Variants in PTPRB observed in about 807,000 individuals in gnomAD.
PTPRB encodes receptor-type tyrosine-protein phosphatase beta.
A neutral mutation model predicts 238.1 loss-of-function variants in PTPRB; 97 were observed. The ratio of observed to expected loss-of-function variants is 0.41; its 90% confidence interval spans 0.35 to 0.48. The LOEUF (loss-of-function observed/expected upper bound fraction) is 0.48, where lower values mean the gene tolerates loss of function less well. Among genes scored for constraint, PTPRB ranks in the 20% least tolerant of loss-of-function variants. PTPRB has a pLI of 0.30. For synonymous variants in PTPRB, 970 were observed against 995.4 expected (o/e 0.97, Z 0.48); for missense variants, 2,292 against 2,681.9 (o/e 0.85, Z 3.21).
chr12:70,585,365 C>T (rs1881795479), intron 9 of PTPRB: 1 of 152,068 alleles, frequency 6.6e-6, no homozygotes, highest in Admixed American at 6.5e-5. Context: ...GCATCTGCAC[C>T]CACATATTCT....
At chr12:70,573,505 CTT>C (rs937307862) in intron 11 of PTPRB, among the ~76,000 whole-genome samples, 5 of 90,818 alleles carry the variant, frequency 5.5e-5, no homozygotes, top group Non-Finnish European at 9.7e-5. Flanking sequence ...CTTTTCTTTT[CTT>C]TTTTTTTTTT....
intron 15 of PTPRB, among the ~76,000 whole-genome samples, chr12:70,564,458 G>A (rs1878959721): frequency 6.6e-6 from 1 of 150,890 alleles, no homozygotes; most frequent in Admixed American, 6.6e-5. Context: ...GGTGGAGGTT[G>A]TGGTGAGCTA....
chr12:70,576,503 G>A lies in PTPRB; in HGVS notation c.2721C>T (p.Val907=), dbSNP rs574392620. ...SHDGKVVQSL[V]IAKSVRECSF... ...AACATTCTCTGACAGACTTGGCAATGACAAGGGACTGAACCACCTTGCCGT... is the reference window on the plus strand; with the variant it reads ...AACATTCTCTGACAGACTTGGCAATAACAAGGGACTGAACCACCTTGCCGT... Residue 907 remains valine, a synonymous_variant, in exon 11 of 34, where the codon GTC becomes GTT. Transcript: ENST00000334414. 221 of 1,577,786 alleles carry A rather than the reference G, an allele frequency of 1.4e-4. 1 individual carries two copies. The Admixed American group carries it at 3.9e-3, about 28-fold the overall frequency.
At chr12:70,602,691 A>G (rs1310729153) in intron 4 of PTPRB, among the ~76,000 whole-genome samples, 1 of 152,200 alleles carries the variant, frequency 6.6e-6, no homozygotes, top group Non-Finnish European at 1.5e-5. Context: ...TAGATGAAAC[A>G]AGGTTGGCCA....
chr12:70,535,906 T>TAACA, intron 29 of PTPRB, 119 bp downstream of exon 29: 3 of 1,268,622 alleles, frequency 2.4e-6, no homozygotes, highest in Non-Finnish European at 3.3e-6. Context: ...TATAAGTCAC[T>TAACA]AACAATGCTC....
chr12:70,587,882 C>T (rs1882078441), intron 8 of PTPRB, among the ~76,000 whole-genome samples: 1 of 151,904 alleles, frequency 6.6e-6, no homozygotes, highest in Admixed American at 6.6e-5. Context: ...GGGTGGATCA[C>T]TTGAGGTCAG....
chr12:70,544,420 A>G, intron 22 of PTPRB, 137 bp downstream of exon 22: 1 of 639,142 alleles, frequency 1.6e-6, no homozygotes, highest in South Asian at 1.9e-5. Flanking sequence ...TTTGATCCAC[A>G]TCAATTTTTG....
intron 32 of PTPRB, among the ~76,000 whole-genome samples, chr12:70,531,800 T>A (rs957198877): frequency 6.1e-5 from 9 of 146,698 alleles, no homozygotes; most frequent in African/African-American, 2.0e-4. Context: ...CTAAGTGAAG[T>A]TCTTATGCTC....
intron 6 of PTPRB, 41 bp downstream of exon 6, chr12:70,594,426 A>T (rs1882794324): frequency 3.7e-6 from 6 of 1,604,382 alleles, no homozygotes; most frequent in Middle Eastern, 1.7e-4. Flanking sequence ...CATTCCCTTG[A>T]TTTCACTTTA....
At chr12:70,532,810 T>TA (rs1052321156) in intron 31 of PTPRB, among the ~76,000 whole-genome samples, 40 of 151,122 alleles carry the variant, frequency 2.6e-4, no homozygotes, top group African/African-American at 4.1e-4. Flanking sequence ...CCCAGCTAAT[T>TA]AAAAAAAAAG....
chr12:70,548,342 TCTCTCACA>T (rs1440996928), intron 21 of PTPRB, among the ~76,000 whole-genome samples: 2,385 of 58,222 alleles, frequency 0.041, 25 homozygotes, highest in Middle Eastern at 0.051. Flanking sequence ...TCTCTCTCTC[TCTCTCACA>T]CACACACACA....
chr12:70,607,702 A>G (rs970576403), intron 4 of PTPRB, among the ~76,000 whole-genome samples: 1 of 151,772 alleles, frequency 6.6e-6, no homozygotes, highest in African/African-American at 2.4e-5. Context: ...ACACCAGGCG[A>G]ATTTTTTATT....
In PTPRB at chr12:70,549,349, C is replaced by G. The variant is rs1876541220; in HGVS notation, c.5387+3428G>C. 2.0e-5 allele frequency among the ~76,000 whole-genome samples: 3 copies of G among 152,222 alleles called. No homozygotes were observed. The South Asian group carries it at 6.2e-4, about 31-fold the overall frequency. ...AGCTGACCACCTTACTATGGTCACA[C>G]TGCTCTTCTATTTAGAATAAAAACA... On this transcript the variant is annotated intron_variant, in intron 21 of 33. Coordinates refer to ENST00000334414, the MANE Select transcript of PTPRB (RefSeq NM_001109754.4).
intron 33 of PTPRB, among the ~76,000 whole-genome samples, 161 bp from the exon 34 acceptor site, chr12:70,521,672 A>AAGAC (rs1248827448): frequency 6.6e-6 from 1 of 152,218 alleles, no homozygotes; most frequent in African/African-American, 2.4e-5. Flanking sequence ...TCCATTTAGA[A>AAGAC]AGACAGATTA....
intron 6 of PTPRB, among the ~76,000 whole-genome samples, chr12:70,593,393 A>C (rs1882681417): frequency 6.6e-6 from 1 of 151,896 alleles, no homozygotes; most frequent in Non-Finnish European, 1.5e-5. Flanking sequence ...GGTGCCTGCA[A>C]TCTTAGCTAC....
chr12:70,548,316 A>C (rs958242084), intron 21 of PTPRB, among the ~76,000 whole-genome samples: 1 of 129,918 alleles, frequency 7.7e-6, no homozygotes, highest in Non-Finnish European at 1.6e-5. Context: ...CAACACAGCA[A>C]GACTCTCTCT....
chr12:70,526,843 T>C (rs1400447723), intron 32 of PTPRB, among the ~76,000 whole-genome samples: 1 of 152,234 alleles, frequency 6.6e-6, no homozygotes, highest in Non-Finnish European at 1.5e-5. Flanking sequence ...ATCTGTGCTA[T>C]GGCCTATTAA....
In PTPRB at chr12:70,587,932, C is replaced by A. The variant is rs1004813535; in HGVS notation, c.2051-665G>T. On this transcript the variant is annotated intron_variant, in intron 8 of 33. Coordinates refer to ENST00000334414, the MANE Select transcript of PTPRB (RefSeq NM_001109754.4). ...CCTGGCCAATATGGCAAAACTCCATCTCTACTAAAAATACAAAAATTAGCC... is the reference window on the plus strand; with the variant it reads ...CCTGGCCAATATGGCAAAACTCCATATCTACTAAAAATACAAAAATTAGCC... Among the ~76,000 whole-genome samples the A allele has an allele frequency of 3.3e-5, 5 of 151,172 alleles. 1 individual carries two copies. Among genetic ancestry groups the A allele is most frequent in the Admixed American group, 2.6e-4 (4 of 15,166 alleles).
intron 6 of PTPRB, among the ~76,000 whole-genome samples, chr12:70,592,907 G>A (rs1050947390): frequency 2.0e-5 from 3 of 152,224 alleles, no homozygotes; most frequent in East Asian, 3.9e-4. Context: ...TGGCAAATGA[G>A]GCTAGGTCAA....
Sources: gnomAD v4.1 joint callset for allele counts (sites outside exome capture counted in the v4.1 genomes callset) on GRCh38, gnomAD v4.1.1 for gene constraint, MANE v1.5 for transcripts, NCBI Gene and HGNC (gene_info 2026-07-23, HGNC 2026-07-21) for gene names.